CHD7: variants seen among roughly 807,000 people sequenced by gnomAD.
CHD7 encodes chromodomain helicase DNA binding protein 7.
A neutral mutation model predicts 307.3 loss-of-function variants in CHD7; 24 were observed. The observed-to-expected ratio is 0.08, with a 90% CI of 0.06 to 0.11. The LOEUF (loss-of-function observed/expected upper bound fraction) is 0.11. CHD7 is among the 10% of genes least tolerant of loss of function. The pLI is 1.00. For synonymous variants in CHD7, 1,363 were observed against 1,349.9 expected, an observed-to-expected ratio of 1.01 and a Z score of -0.21; for missense variants, 3,106 against 3,727.1, an observed-to-expected ratio of 0.83 and a Z score of 4.34.
At chr8:60,683,649 A>G (rs1036023919) in intron 1 of CHD7, among the ~76,000 whole-genome samples, 2 of 152,230 alleles carry the variant, frequency 1.3e-5, no homozygotes, top group African/African-American at 4.8e-5. Flanking sequence ...TAAAGTCCAG[A>G]GAGATTAATT....
intron 3 of CHD7, among the ~76,000 whole-genome samples, chr8:60,793,769 A>G (rs1335496265): frequency 1.3e-5 from 2 of 152,196 alleles, no homozygotes; most frequent in Admixed American, 6.5e-5. Context: ...TTAAAAAATC[A>G]TTACTGAGGT....
intron 1 of CHD7, among the ~76,000 whole-genome samples, chr8:60,726,433 TAA>T (rs1420946152): frequency 6.6e-6 from 1 of 152,194 alleles, no homozygotes; most frequent in Non-Finnish European, 1.5e-5. Flanking sequence ...AAAATTTTCA[TAA>T]AATATGAAAA....
intron 3 of CHD7, among the ~76,000 whole-genome samples, chr8:60,790,542 G>A (rs1013588963): frequency 6.6e-6 from 1 of 152,108 alleles, no homozygotes; most frequent in African/African-American, 2.4e-5. Context: ...ACGCTATGTG[G>A]GGGTTTCTTA....
intron 2 of CHD7, among the ~76,000 whole-genome samples, chr8:60,754,400 A>G (rs372209102): frequency 1.2e-4 from 19 of 152,268 alleles, no homozygotes; most frequent in African/African-American, 4.6e-4. Flanking sequence ...CATGTGGTAT[A>G]TGCCCAATAA....
chr8:60,704,165 C>T (rs1806902006), intron 1 of CHD7, among the ~76,000 whole-genome samples: 1 of 152,084 alleles, frequency 6.6e-6, no homozygotes, highest in South Asian at 2.1e-4. Flanking sequence ...TCTTACTCTT[C>T]CCAAGTTATT....
chr8:60,862,131 G>T, intron 35 of CHD7, 65 bp from the exon 36 acceptor site: 1 of 1,262,904 alleles, frequency 7.9e-7, no homozygotes. Context: ...GTTCTCTTTG[G>T]CATTTATATA....
chr8:60,718,855 A>C (rs567049596), intron 1 of CHD7, among the ~76,000 whole-genome samples: 2 of 152,228 alleles, frequency 1.3e-5, no homozygotes, highest in Non-Finnish European at 2.9e-5. Flanking sequence ...TAAGTGCCCT[A>C]TGCAAGTGTA....
At chr8:60,711,158 T>G (rs181428792) in intron 1 of CHD7, among the ~76,000 whole-genome samples, 2 of 152,356 alleles carry the variant, frequency 1.3e-5, no homozygotes, top group East Asian at 3.9e-4. Context: ...ATTAAAAGGC[T>G]GTGACTGTCC....
intron 2 of CHD7, among the ~76,000 whole-genome samples, chr8:60,752,315 G>GTGGA (rs1809679594): frequency 6.6e-6 from 1 of 152,208 alleles, no homozygotes; most frequent in African/African-American, 2.4e-5. Flanking sequence ...GGGAGACTGT[G>GTGGA]TGGAGGGTTT....
intron 34 of CHD7, among the ~76,000 whole-genome samples, chr8:60,859,632 A>T (rs149271400): frequency 6.6e-6 from 1 of 152,216 alleles, no homozygotes. Flanking sequence ...CTGTACTTCA[A>T]TTAAGTTTTG....
chr8:60,820,795 T>C (rs1803992059), intron 9 of CHD7, among the ~76,000 whole-genome samples: 1 of 152,244 alleles, frequency 6.6e-6, no homozygotes, highest in Admixed American at 6.5e-5. Flanking sequence ...TTCCAAACTC[T>C]GTGTCATGAC....
intron 1 of CHD7, among the ~76,000 whole-genome samples, chr8:60,717,356 C>T (rs911747274): frequency 6.6e-6 from 1 of 152,100 alleles, no homozygotes; most frequent in African/African-American, 2.4e-5. Context: ...TAGAACTTTT[C>T]TGAGGGCACA....
intron 34 of CHD7, among the ~76,000 whole-genome samples, chr8:60,858,062 C>T (rs1355412458): frequency 1.3e-5 from 2 of 152,214 alleles, no homozygotes; most frequent in African/African-American, 2.4e-5. Context: ...TCAAGACCAG[C>T]CTGGCCAACA....
intron 2 of CHD7, among the ~76,000 whole-genome samples, chr8:60,771,878 C>A (rs577229083): frequency 3.3e-5 from 5 of 152,280 alleles, no homozygotes; most frequent in African/African-American, 1.2e-4. Flanking sequence ...AGAAGGGTCC[C>A]CACCCTCTTT....
chr8:60,685,488 T>A (rs2150478105), intron 1 of CHD7, among the ~76,000 whole-genome samples: 1 of 152,300 alleles, frequency 6.6e-6, no homozygotes, highest in East Asian at 1.9e-4. Context: ...AGTCACATAT[T>A]AGGGCAAGGT....
chr8:60,849,725 C>T (rs1182102715), intron 25 of CHD7, among the ~76,000 whole-genome samples: 1 of 152,166 alleles, frequency 6.6e-6, no homozygotes, highest in Admixed American at 6.5e-5. Flanking sequence ...CTCAGCAGCC[C>T]AGCCTGACTA....
Position 60,830,372 on chromosome 8 carries a change from A to C in CHD7, c.3573A>C (p.Lys1191Asn). ...ILKPMMLRRL[K>N]EDVEKNLAPK... ...AGCCAATGATGTTGAGACGTCTCAA[A>C]GAGGATGTAGAAAAGAACTTGGCCC... is the stretch of plus-strand genomic sequence containing the variant. The change falls in exon 15 of 38, where the codon AAA becomes AAC. Residue 1191 changes from lysine (K) to asparagine (N), a missense_variant. Physicochemically the swap from Lys to Asn is moderately conservative, Grantham distance 94. Coordinates refer to ENST00000423902, the MANE Select transcript of CHD7 (RefSeq NM_017780.4). The C allele has an allele frequency of 6.2e-7, 1 of 1,613,988 alleles. No individual in the cohort carries two copies. Among genetic ancestry groups the C allele is most frequent in the Non-Finnish European group, 8.5e-7 (1 of 1,179,874 alleles).
Position 60,853,379 on chromosome 8 carries a change from G to A in CHD7, c.6654G>A (p.Leu2218=). 6.5e-7 allele frequency: 1 copy of A among 1,550,018 alleles called. No homozygotes were observed. The highest frequency in any genetic ancestry group is 8.7e-7 in the Non-Finnish European group (1 of 1,151,598). The change falls in exon 31 of 38, where the codon CTG becomes CTA. Residue 2218 remains leucine (L), a synonymous_variant. Transcript: ENST00000423902. ...EAEASSVKNE[L]KGVEVGADTG... is the part of the protein sequence containing the mutation. The stretch of plus-strand genomic sequence containing the variant: ...AGGCCAGCTCTGTGAAAAATGAACT[G>A]AAAGGTGTTGAGGTCGGCGCAGACA...
chr8:60,774,694 C>T (rs1456608575), intron 2 of CHD7, among the ~76,000 whole-genome samples: 3 of 152,170 alleles, frequency 2.0e-5, no homozygotes, highest in African/African-American at 4.8e-5. Context: ...GTGGGTATGG[C>T]GGAGGGTGAA....
Sources: allele counts gnomAD v4.1 joint callset (sites outside exome capture counted in the v4.1 genomes callset), GRCh38; gene constraint gnomAD v4.1.1; transcripts MANE v1.5; gene names NCBI Gene and HGNC (gene_info 2026-07-23, HGNC 2026-07-21).